Variants in RC3H1 observed in about 807,000 individuals in gnomAD.
RC3H1 encodes ring finger and CCCH-type domains 1, also known as roquin-1.
Under a neutral mutation model 138.2 loss-of-function variants are expected in RC3H1, and 50 were observed. That is an observed-to-expected ratio of 0.36 (90% CI 0.29 to 0.46). The LOEUF (loss-of-function observed/expected upper bound fraction) is 0.46, where lower values mean the gene tolerates loss of function less well. Among genes scored for constraint, RC3H1 ranks in the 20% least tolerant of loss-of-function variants. The probability of loss-of-function intolerance (pLI) is 1.00; values close to 1 mark genes in which losing one functional copy is unlikely to be tolerated. For missense variants in RC3H1, 1,031 were observed against 1,388.1 expected (o/e 0.74, Z 4.09); for synonymous variants, 462 against 489.1 (o/e 0.94, Z 0.73).
chr1:173,989,709 A>AC (rs1557946003), intron 2 of RC3H1, among the ~76,000 whole-genome samples: 3 of 137,900 alleles, frequency 2.2e-5, no homozygotes, highest in African/African-American at 8.3e-5. Flanking sequence ...TGTTTATTCA[A>AC]GTTTTTTTTT....
intron 13 of RC3H1, among the ~76,000 whole-genome samples, chr1:173,955,456 C>T (rs140792527): frequency 1.1e-4 from 17 of 150,862 alleles, no homozygotes; most frequent in African/African-American, 3.4e-4. Flanking sequence ...GAGCTGGGAC[C>T]GCAGATGCCC....
intron 1 of RC3H1, among the ~76,000 whole-genome samples, chr1:174,007,195 C>T (rs1661669351): frequency 6.6e-6 from 1 of 152,060 alleles, no homozygotes; most frequent in East Asian, 1.9e-4. Flanking sequence ...TGAGACCATC[C>T]TGGCTAACAC....
At chr1:173,941,044 T>C (rs1658834064) in intron 19 of RC3H1, among the ~76,000 whole-genome samples, 1 of 152,054 alleles carries the variant, frequency 6.6e-6, no homozygotes, top group Admixed American at 6.6e-5. Context: ...ATGGTCTCCA[T>C]CTCTTGACCT....
At chr1:173,995,981 T>G (rs894114362) in intron 1 of RC3H1, among the ~76,000 whole-genome samples, 1 of 152,214 alleles carries the variant, frequency 6.6e-6, no homozygotes, top group African/African-American at 2.4e-5. Context: ...GGGCTGGGTG[T>G]GGCGGCTCAC....
intron 17 of RC3H1, among the ~76,000 whole-genome samples, chr1:173,945,064 G>A (rs1056027910): frequency 1.3e-5 from 2 of 151,890 alleles, no homozygotes; most frequent in African/African-American, 4.8e-5. Context: ...CCAACGTAAA[G>A]GATGATGTAT....
chr1:173,977,503 A>G (rs1244132397), intron 7 of RC3H1, among the ~76,000 whole-genome samples: 1 of 152,232 alleles, frequency 6.6e-6, no homozygotes, highest in East Asian at 1.9e-4. Context: ...GGAAACATTA[A>G]AGGAAGAGCA....
Position 174,008,487 on chromosome 1 carries a change from T to C in RC3H1, c.-151+13609A>G, listed in dbSNP as rs115768800. Among the ~76,000 whole-genome samples, 252 of 152,246 alleles carry C rather than the reference T, an allele frequency of 1.7e-3. 1 individual carries two copies. Among genetic ancestry groups the C allele is most frequent in the African/African-American group, 5.8e-3 (240 of 41,560 alleles). On this transcript the variant is annotated intron_variant, in intron 1 of 19. Transcript: ENST00000367696. ...AGGGAGAAGGAGGAAGAGGAGGAGC[T>C]GATTCATTTTCCATTTTAGAATTAT...
chr1:173,993,201 C>A, intron 1 of RC3H1, 66 bp from the exon 2 acceptor site: 2 of 542,584 alleles, frequency 3.7e-6, no homozygotes, highest in Non-Finnish European at 3.3e-6. Flanking sequence ...TGAAAAAGAA[C>A]CACAAGTCCA....
chr1:173,993,245 A>C, intron 1 of RC3H1, 110 bp from the exon 2 acceptor site: 1 of 449,836 alleles, frequency 2.2e-6, no homozygotes, highest in Non-Finnish European at 4.0e-6. Flanking sequence ...CCACATTTGT[A>C]TCACTGTAAT....
chr1:173,963,873 C>T (rs1307341901), intron 11 of RC3H1, 100 bp downstream of exon 11: 1 of 898,640 alleles, frequency 1.1e-6, no homozygotes. Flanking sequence ...TATACATTTA[C>T]TTATCTTAAA....
At chr1:173,989,710 G>GTTTTTTT (rs372808172) in intron 2 of RC3H1, among the ~76,000 whole-genome samples, 2 of 103,224 alleles carry the variant, frequency 1.9e-5, no homozygotes, top group African/African-American at 4.7e-5. Context: ...GTTTATTCAA[G>GTTTTTTT]TTTTTTTTTT....
chr1:173,966,402 T>G (rs1022356875), intron 9 of RC3H1, among the ~76,000 whole-genome samples: 54 of 152,108 alleles, frequency 3.6e-4, no homozygotes, highest in African/African-American at 1.3e-3. Flanking sequence ...TTACAACTGC[T>G]AATGCATTTT....
rs1661359777 is a variant in RC3H1, at chr1:173,993,001, AAT to A, written c.-18_-17del. The A allele has an allele frequency of 1.3e-6, 2 of 1,561,136 alleles. No individual in the cohort carries two copies. Among genetic ancestry groups the A allele is most frequent in the African/African-American group, 2.7e-5 (2 of 73,944 alleles). On this transcript the variant is annotated 5_prime_UTR_variant, in exon 2 of 20. It adds an upstream start codon to the 5' untranslated region. Transcript: ENST00000367696. ...GTACAGGCATTGCTTCTGGAGTTAC[AAT>A]TCACGAACACAAACACACACACAAA... is the stretch of plus-strand genomic sequence containing the variant.
intron 9 of RC3H1, among the ~76,000 whole-genome samples, chr1:173,969,867 A>C (rs990576594): frequency 1.3e-5 from 2 of 151,972 alleles, no homozygotes; most frequent in African/African-American, 2.4e-5. Flanking sequence ...TCCACTGGAA[A>C]TACATCATGC....
intron 6 of RC3H1, among the ~76,000 whole-genome samples, chr1:173,978,966 T>G (rs1660691619): frequency 6.6e-6 from 1 of 152,246 alleles, no homozygotes. Context: ...AGTGCTTTCC[T>G]CATCGCTTTT....
chr1:173,952,078 A>G lies in RC3H1; in HGVS notation c.2431T>C (p.Ser811Pro). Reference protein sequence around the residue: ...KYKGNDYSQYSPWSCDTIGSY... With the variant: ...KYKGNDYSQYPPWSCDTIGSY... ...CCGATGGTGTCACATGACCAGGGAG[A>G]GTATTGGCTATAATCATTTCCTTTG... Residue 811 changes from serine (S) to proline (P), a missense_variant, in exon 14 of 20, where the codon TCT becomes CCT. Ser to Pro is a moderately conservative substitution (Grantham distance 74, BLOSUM62 -1). Around this residue, in one of 7 missense-constraint regions of RC3H1, gnomAD observed 716 missense variants for 837.9 expected, o/e 0.85. Coordinates refer to ENST00000367696, the MANE Select transcript of RC3H1 (RefSeq NM_172071.4). The G allele has an allele frequency of 6.2e-7, 1 of 1,606,636 alleles. No homozygotes were observed. The highest frequency in any genetic ancestry group is 8.5e-7 in the Non-Finnish European group (1 of 1,176,290).
At chr1:174,011,197 C>T (rs912100989) in intron 1 of RC3H1, among the ~76,000 whole-genome samples, 5 of 151,788 alleles carry the variant, frequency 3.3e-5, no homozygotes, top group Admixed American at 6.6e-5. Context: ...CAACCACAGA[C>T]CTACAAAATA....
rs6686083 is a variant in RC3H1, at chr1:173,983,401, T to A, written c.592+17A>T. ...TAGAATTACCAGCAGAATAAATACC[T>A]AAAGTTAATTATGTACCTGGTCCAA... is the stretch of plus-strand genomic sequence containing the variant. On this transcript the variant is annotated intron_variant, in intron 4 of 19. Transcript: ENST00000367696. The A allele has an allele frequency of 0.28, 447,471 of 1,612,542 alleles. 76,659 individuals are homozygous for A. The highest frequency in any genetic ancestry group is 0.81 in the African/African-American group (60,509 of 74,876).
Position 173,970,416 on chromosome 1 carries a change from A to G in RC3H1, c.1334+89T>C, listed in dbSNP as rs1177251181. ...TCTAAAAATGTCCTATTCATTTAAG[A>G]TAAAGCAGCTACTCTTTCTGTATTT... On this transcript the variant is annotated intron_variant, in intron 9 of 19. Transcript: ENST00000367696. The G allele has an allele frequency of 4.8e-6, 4 of 833,788 alleles. No individual in the cohort carries two copies. The African/African-American group carries it at 5.1e-5, about 11-fold the overall frequency. 51.6% of individuals were successfully genotyped at this position (833,788 alleles called of 1,614,324 possible).
Sources: gnomAD v4.1 joint callset for allele counts (sites outside exome capture counted in the v4.1 genomes callset) on GRCh38, gnomAD v4.1.1 for gene constraint, gnomAD v4.1.1 regional missense constraint, MANE v1.5 for transcripts, NCBI Gene and HGNC (gene_info 2026-07-23, HGNC 2026-07-21) for gene names.